The following PCDHA11 variants were observed in gnomAD, a reference collection of about 807,000 sequenced individuals.
The protein encoded by PCDHA11 is protocadherin alpha 11, also known as protocadherin alpha-11.
PCDHA11 carries 61 observed loss-of-function variants against 70.3 expected under a neutral mutation model. That is an observed-to-expected ratio of 0.87 (90% confidence interval 0.71 to 1.07). The LOEUF (loss-of-function observed/expected upper bound fraction) is 1.07, where lower values mean the gene tolerates loss of function less well. Ranked by LOEUF, PCDHA11 falls within the 50% of genes least tolerant of loss-of-function variation. The pLI, the probability that PCDHA11 is intolerant of heterozygous loss-of-function variation, is 0.00. For synonymous variants in PCDHA11, 633 were observed against 555.1 expected, an observed-to-expected ratio of 1.14 and a Z score of -1.97; for missense variants, 1,324 against 1,237.5, an observed-to-expected ratio of 1.07 and a Z score of -1.05.
At chr5:141,009,120 T>C (rs1383940737) in intron 3 of PCDHA11, among the ~76,000 whole-genome samples, 1 of 152,236 alleles carries the variant, frequency 6.6e-6, no homozygotes, top group African/African-American at 2.4e-5. Flanking sequence ...ACTAGATTCT[T>C]GGTATCCTGG....
chr5:140,977,665 A>G (rs1554238741), intron 1 of PCDHA11, among the ~76,000 whole-genome samples: 1 of 152,202 alleles, frequency 6.6e-6, no homozygotes, highest in Non-Finnish European at 1.5e-5. Flanking sequence ...AATTCTCTGC[A>G]TGCCAAATAT....
rs782061977 is a variant in PCDHA11 at position 140,870,205 on chromosome 5, A to C, written c.1102A>C (p.Ile368Leu). 2.5e-6 allele frequency: 4 copies of C among 1,614,148 alleles called. No homozygotes were observed. The South Asian group carries it at 4.4e-5, about 18-fold the overall frequency. The change falls in exon 1 of 4, where the codon ATT becomes CTT. Residue 368 changes from isoleucine (I) to leucine (L), a missense_variant. Transcript: ENST00000398640. Reference protein sequence around the residue: ...VREDAQPSTVIALISVSDRDS... With the variant: ...VREDAQPSTVLALISVSDRDS... Reference sequence around the variant, plus strand: ...AGAGGACGCTCAGCCCAGCACGGTCATTGCCCTGATCAGCGTGTCTGACCG... The same window carrying C: ...AGAGGACGCTCAGCCCAGCACGGTCCTTGCCCTGATCAGCGTGTCTGACCG...
intron 3 of PCDHA11, among the ~76,000 whole-genome samples, chr5:140,989,551 C>A (rs964653534): frequency 1.3e-5 from 2 of 152,178 alleles, no homozygotes; most frequent in Non-Finnish European, 2.9e-5. Context: ...AATTCCTTTA[C>A]GTTTTGTGGC....
chr5:140,896,090 C>CA (rs2065374359), intron 1 of PCDHA11, among the ~76,000 whole-genome samples: 1 of 152,152 alleles, frequency 6.6e-6, no homozygotes, highest in Non-Finnish European at 1.5e-5. Flanking sequence ...GGATTACAGG[C>CA]GTGAGCCACT....
chr5:140,973,486 C>G (rs1404281642), intron 1 of PCDHA11, among the ~76,000 whole-genome samples: 1 of 152,162 alleles, frequency 6.6e-6, no homozygotes, highest in African/African-American at 2.4e-5. Context: ...ATATTGGTCA[C>G]AGGACTCTTC....
rs1368694746 is a variant in PCDHA11, at chr5:140,870,609, G to T, written c.1506G>T (p.Ala502=). ...SLVERRLGDR[A]LSSYVSVHAE... is the part of the protein sequence containing the mutation. ...TGGAGCGGCGGTTGGGCGACCGCGC[G>T]CTGTCGAGCTACGTGTCGGTGCACG... The change falls in exon 1 of 4, where the codon GCG becomes GCT. Residue 502 remains alanine (A), a synonymous_variant. Coordinates refer to ENST00000398640, the MANE Select transcript of PCDHA11 (RefSeq NM_018902.5). The T allele has an allele frequency of 5.0e-6, 8 of 1,613,114 alleles. No homozygotes were observed. In the East Asian group the frequency reaches 1.8e-4, roughly 36 times the overall value.
chr5:140,905,611 T>A (rs1396340503), intron 1 of PCDHA11, among the ~76,000 whole-genome samples: 1 of 152,224 alleles, frequency 6.6e-6, no homozygotes, highest in African/African-American at 2.4e-5. Flanking sequence ...ATTGAATCTA[T>A]AGATTGCTTT....
intron 1 of PCDHA11, among the ~76,000 whole-genome samples, chr5:140,938,685 C>CTT (rs1554212299): frequency 6.6e-6 from 1 of 151,964 alleles, no homozygotes; most frequent in African/African-American, 2.4e-5. Context: ...ATTTTCTTTA[C>CTT]AGTTTTTAAA....
At chr5:140,891,502 T>C (rs11748559) in intron 1 of PCDHA11, among the ~76,000 whole-genome samples, 18,999 of 152,020 alleles carry the variant, frequency 0.12, 1,247 homozygotes, top group Middle Eastern at 0.19. Context: ...TCCTCAGCTA[T>C]AATGTTCTCC....
intron 1 of PCDHA11, among the ~76,000 whole-genome samples, chr5:140,970,269 A>G (rs1410341195): frequency 6.6e-6 from 1 of 152,184 alleles, no homozygotes; most frequent in East Asian, 1.9e-4. Flanking sequence ...TTTTGATGAG[A>G]TGTAAAGTAG....
intron 2 of PCDHA11, among the ~76,000 whole-genome samples, chr5:140,980,905 A>G (rs182283088): frequency 1.5e-4 from 23 of 152,274 alleles, no homozygotes; most frequent in Admixed American, 1.4e-3. Context: ...ACATCATGTA[A>G]CTATTCTTTA....
intron 1 of PCDHA11, among the ~76,000 whole-genome samples, chr5:140,915,680 A>G (rs2077249777): frequency 6.6e-6 from 1 of 150,862 alleles, no homozygotes; most frequent in South Asian, 2.1e-4. Context: ...ATCTTGAACT[A>G]GGGGTATGGT....
chr5:140,966,930 G>A (rs1554228913), intron 1 of PCDHA11: 1 of 1,603,704 alleles, frequency 6.2e-7, no homozygotes, highest in Middle Eastern at 1.7e-4. Flanking sequence ...CAGGCACCCG[G>A]CGCGCTCGTG....
At chr5:140,928,868 C>G (rs374918492) in intron 1 of PCDHA11, 32 of 1,614,062 alleles carry the variant, frequency 2.0e-5, no homozygotes, top group Non-Finnish European at 2.6e-5. Context: ...TTGAGCAACT[C>G]TGTCCCTCAG....
intron 1 of PCDHA11, among the ~76,000 whole-genome samples, chr5:140,976,568 TA>T (rs2096723296): frequency 6.6e-6 from 1 of 152,050 alleles, no homozygotes; most frequent in Non-Finnish European, 1.5e-5. Context: ...AATAAATAAA[TA>T]TAAATAAAAC....
intron 1 of PCDHA11, among the ~76,000 whole-genome samples, chr5:140,923,122 C>T (rs1405376878): frequency 6.6e-6 from 1 of 152,130 alleles, no homozygotes; most frequent in Non-Finnish European, 1.5e-5. Context: ...TTTTTAGGGT[C>T]ACACTTTGAA....
chr5:140,914,159 G>A (rs1193212496), intron 1 of PCDHA11, among the ~76,000 whole-genome samples: 3 of 152,088 alleles, frequency 2.0e-5, no homozygotes, highest in African/African-American at 4.8e-5. Flanking sequence ...TGTCCAATAC[G>A]GAAAGTGGGG....
In PCDHA11 at chr5:140,895,583, A is replaced by C. The variant is rs545210218; in HGVS notation, c.2391+24089A>C. On this transcript the variant is annotated intron_variant, in intron 1 of 3. Coordinates refer to ENST00000398640, the MANE Select transcript of PCDHA11 (RefSeq NM_018902.5). ...ATATTCTAGATGCAATTACTTTATT[A>C]GATATATAATTTGCAAAGATTTTCT... Among the ~76,000 whole-genome samples, 15 of 152,292 alleles carry C rather than the reference A, an allele frequency of 9.8e-5. No individual in the cohort carries two copies. In the South Asian group the frequency reaches 3.1e-3, roughly 32 times the overall value.
intron 1 of PCDHA11, among the ~76,000 whole-genome samples, chr5:140,972,811 G>A (rs1458279738): frequency 2.6e-5 from 4 of 151,876 alleles, no homozygotes; most frequent in African/African-American, 4.8e-5. Flanking sequence ...TTACAGGCAC[G>A]CGCCACCACG....
Sources: allele counts gnomAD v4.1 joint callset (sites outside exome capture counted in the v4.1 genomes callset), GRCh38; gene constraint gnomAD v4.1.1; transcripts MANE v1.5; gene names NCBI Gene and HGNC (gene_info 2026-07-23, HGNC 2026-07-21).